The following STK39 variants were observed in gnomAD, a reference collection of about 807,000 sequenced individuals.
The protein encoded by STK39 is STE20/SPS1-related proline-alanine-rich protein kinase.
A neutral mutation model predicts 77.8 loss-of-function variants in STK39; 20 were observed. The observed-to-expected ratio is 0.26, with a 90% CI of 0.18 to 0.37. The LOEUF is 0.37. Among genes scored for constraint, STK39 ranks in the 10% least tolerant of loss-of-function variants. STK39 has a pLI of 1.00. For missense variants in STK39, 479 were observed against 656.5 expected (o/e 0.73, Z 2.95); for synonymous variants, 246 against 234.1 (o/e 1.05, Z -0.47).
chr2:168,111,503 C>T (rs1203724889), intron 10 of STK39, among the ~76,000 whole-genome samples: 2 of 152,186 alleles, frequency 1.3e-5, no homozygotes. Flanking sequence ...GTTGTTGCTA[C>T]TCAGATACCT....
At chr2:167,959,347 G>A (rs1054120498) in intron 17 of STK39, among the ~76,000 whole-genome samples, 7 of 151,310 alleles carry the variant, frequency 4.6e-5, no homozygotes, top group African/African-American at 1.2e-4. Context: ...GGATGGTCTC[G>A]ATCTCCTGAC....
chr2:168,048,981 C>T (rs1351960784), intron 14 of STK39, among the ~76,000 whole-genome samples: 3 of 152,182 alleles, frequency 2.0e-5, no homozygotes, highest in East Asian at 1.9e-4. Flanking sequence ...ATGCTATTGA[C>T]GAGATGGTTT....
chr2:168,118,596 T>C lies in STK39; in HGVS notation c.1089+10945A>G, dbSNP rs1426722118. ...AAAGGAGTCACTTTCCCAGAACATA[T>C]GCTTTCAAAAAAAAAAAAAAAAAAA... On this transcript the variant is annotated intron_variant, in intron 10 of 17. Coordinates refer to ENST00000355999, the MANE Select transcript of STK39 (RefSeq NM_013233.3). Among the ~76,000 whole-genome samples the C allele has an allele frequency of 2.5e-4, 20 of 81,350 alleles. No homozygotes were observed. The Admixed American group carries it at 3.1e-3, about 13-fold the overall frequency. The allele number at this position is 81,350 out of a possible 152,430, so 53.4% of individuals were successfully genotyped here. A position where few individuals can be genotyped will look rare whatever the true frequency, so the allele number is the denominator to read the frequency against.
intron 2 of STK39, among the ~76,000 whole-genome samples, chr2:168,181,034 G>A (rs1204961146): frequency 6.6e-6 from 1 of 152,148 alleles, no homozygotes; most frequent in Non-Finnish European, 1.5e-5. Context: ...AAAAGCTGTT[G>A]TTAATGACAT....
At chr2:168,137,812 C>A (rs927804745) in intron 8 of STK39, among the ~76,000 whole-genome samples, 1 of 152,218 alleles carries the variant, frequency 6.6e-6, no homozygotes, top group African/African-American at 2.4e-5. Context: ...TGTTTTACTT[C>A]ATTTCCTTTG....
At chr2:168,036,361 C>T (rs928183582) in intron 14 of STK39, among the ~76,000 whole-genome samples, 11 of 152,140 alleles carry the variant, frequency 7.2e-5, no homozygotes, top group Non-Finnish European at 1.6e-4. Flanking sequence ...CCATCAGAGT[C>T]AGAAACATGT....
intron 12 of STK39, among the ~76,000 whole-genome samples, chr2:168,074,708 G>A (rs778226640): frequency 6.6e-5 from 10 of 152,182 alleles, no homozygotes; most frequent in Non-Finnish European, 1.5e-4. Context: ...TTTTGTGTAC[G>A]GGATTTTGCC....
intron 1 of STK39, among the ~76,000 whole-genome samples, chr2:168,235,391 T>C (rs1690574549): frequency 6.6e-6 from 1 of 151,792 alleles, no homozygotes; most frequent in Admixed American, 6.6e-5. Flanking sequence ...AAGGAAACAA[T>C]GTGATATAAG....
At chr2:168,018,859 G>A (rs551551156) in intron 14 of STK39, among the ~76,000 whole-genome samples, 22 of 152,238 alleles carry the variant, frequency 1.4e-4, no homozygotes, top group African/African-American at 3.1e-4. Flanking sequence ...ACCACACTAA[G>A]AGCAAGGAGG....
At chr2:168,125,033 T>C (rs1687505732) in intron 10 of STK39, among the ~76,000 whole-genome samples, 1 of 152,070 alleles carries the variant, frequency 6.6e-6, no homozygotes, top group Non-Finnish European at 1.5e-5. Flanking sequence ...GATGATGGGT[T>C]GATGGGTGCA....
chr2:168,218,696 T>C (rs1334429684), intron 1 of STK39, among the ~76,000 whole-genome samples: 1 of 151,978 alleles, frequency 6.6e-6, no homozygotes, highest in East Asian at 1.9e-4. Flanking sequence ...CAGAATACAC[T>C]CCTCCTCCAC....
Position 168,065,342 on chromosome 2 carries a change from A to T in STK39, c.1282T>A (p.Ser428Thr). 1 of 1,614,030 alleles carries T rather than the reference A, an allele frequency of 6.2e-7. No individual in the cohort carries two copies. Among genetic ancestry groups the T allele is most frequent in the Non-Finnish European group, 8.5e-7 (1 of 1,179,938 alleles). ...SASTIPEQIQ[S>T]LSVHDSQGPP... Reference sequence around the variant, plus strand: ...ACCTGAGAGTCGTGCACAGAGAGGGACTGTATTTGTTCGGGGATGGTGCTG... The same window carrying T: ...ACCTGAGAGTCGTGCACAGAGAGGGTCTGTATTTGTTCGGGGATGGTGCTG... Residue 428 changes from serine to threonine, a missense_variant, in exon 13 of 18, where the codon TCC becomes ACC. This residue lies in a region of STK39 where 244 missense variants were observed against 296.8 expected (regional missense o/e 0.82). Coordinates refer to ENST00000355999, the MANE Select transcript of STK39 (RefSeq NM_013233.3).
Position 168,235,343 on chromosome 2 carries a change from G to C in STK39, c.208+11885C>G, listed in dbSNP as rs564650438. Among the ~76,000 whole-genome samples, 15 of 152,036 alleles carry C rather than the reference G, an allele frequency of 9.9e-5. No individual in the cohort carries two copies. The East Asian group carries it at 2.1e-3, about 22-fold the overall frequency. On this transcript the variant is annotated intron_variant, in intron 1 of 17. Coordinates refer to ENST00000355999, the MANE Select transcript of STK39 (RefSeq NM_013233.3). The stretch of plus-strand genomic sequence containing the variant: ...GTCCCTGAGCCACCACGGCCGGCCC[G>C]AGTCAATAATATTTCTAACATCTGC...
At chr2:168,227,698 G>A (rs192370825) in intron 1 of STK39, among the ~76,000 whole-genome samples, 76 of 151,890 alleles carry the variant, frequency 5.0e-4, no homozygotes, top group African/African-American at 1.4e-3. Context: ...TTTTTGAGAC[G>A]GAGTCTCACA....
chr2:168,065,239 T>C, intron 13 of STK39, 80 bp downstream of exon 13: 3 of 1,468,624 alleles, frequency 2.0e-6, no homozygotes, highest in Non-Finnish European at 2.9e-6. Context: ...CTTGAAATTG[T>C]CTATCTTTCT....
chr2:168,244,228 T>G (rs549504938), intron 1 of STK39, among the ~76,000 whole-genome samples: 202 of 152,222 alleles, frequency 1.3e-3, no homozygotes, highest in Non-Finnish European at 1.9e-3. Flanking sequence ...GAAAACTTTA[T>G]TTTTAGGTTT....
At chr2:167,993,619 A>T (rs896676042) in intron 16 of STK39, among the ~76,000 whole-genome samples, 1 of 152,228 alleles carries the variant, frequency 6.6e-6, no homozygotes, top group African/African-American at 2.4e-5. Flanking sequence ...TACCACTGAG[A>T]TGCTAAACAA....
chr2:168,161,758 T>C, intron 5 of STK39, 29 bp downstream of exon 5: 2 of 1,564,996 alleles, frequency 1.3e-6, no homozygotes, highest in African/African-American at 1.4e-5. Flanking sequence ...CGTAATCAAG[T>C]AAAAAATTTT....
intron 10 of STK39, among the ~76,000 whole-genome samples, chr2:168,090,523 C>CA (rs1686491606): frequency 6.6e-6 from 1 of 152,160 alleles, no homozygotes; most frequent in African/African-American, 2.4e-5. Flanking sequence ...TCCCCATATC[C>CA]AACATAACTG....
Sources: allele counts gnomAD v4.1 joint callset (sites outside exome capture counted in the v4.1 genomes callset), GRCh38; gene constraint gnomAD v4.1.1; regional missense constraint gnomAD v4.1.1; transcripts MANE v1.5; gene names NCBI Gene and HGNC (gene_info 2026-07-23, HGNC 2026-07-21).